Variants in ANK3 observed in about 807,000 individuals in gnomAD.
The protein encoded by ANK3 is ankyrin 3, also known as ankyrin-3.
Under a neutral mutation model 370.9 loss-of-function variants are expected in ANK3, and 57 were observed. The ratio of observed to expected loss-of-function variants is 0.15; its 90% CI spans 0.12 to 0.19. The LOEUF (loss-of-function observed/expected upper bound fraction) is 0.19. ANK3 is among the 10% of genes least tolerant of loss of function. The pLI is 1.00. For missense variants in ANK3, 4,439 were observed against 5,302.1 expected, an observed-to-expected ratio of 0.84 and a Z score of 5.06; for synonymous variants, 1,929 against 1,946.3, an observed-to-expected ratio of 0.99 and a Z score of 0.23.
chr10:60,058,680 GA>G (rs2079700102), intron 41 of ANK3, among the ~76,000 whole-genome samples: 2 of 152,094 alleles, frequency 1.3e-5, no homozygotes, highest in African/African-American at 4.8e-5. Context: ...TTTTAATAAT[GA>G]GCATATTTAT....
rs2095631347 is a variant in ANK3 at position 60,166,624 on chromosome 10, T to C, written c.2581A>G (p.Ser861Gly). The C allele has an allele frequency of 6.2e-7, 1 of 1,613,760 alleles. No individual in the cohort carries two copies. The highest frequency in any genetic ancestry group is 8.5e-7 in the Non-Finnish European group (1 of 1,179,872). Residue 861 changes from serine (S) to glycine (G), a missense_variant, in exon 23 of 44, where the codon AGT becomes GGT. Ser to Gly is a moderately conservative substitution (Grantham distance 56). Transcript: ENST00000280772. ...ACATCTGAGATATATTCGCCATCAC[T>C]GAGCATTTCAGGGGCATTGGCTTTA... is the stretch of plus-strand genomic sequence containing the variant. The part of the protein sequence containing the change: ...VRKANAPEML[S>G]DGEYISDVEE...
At chr10:60,049,941 A>G (rs144989806) in intron 42 of ANK3, among the ~76,000 whole-genome samples, 3 of 152,300 alleles carry the variant, frequency 2.0e-5, no homozygotes, top group African/African-American at 4.8e-5. Context: ...GTCAACTTCT[A>G]TCATGGGCAG....
In ANK3 at chr10:60,389,607, C is replaced by A. The variant is rs937787476; in HGVS notation, c.-69G>T. 19 of 1,590,052 alleles carry A rather than the reference C, an allele frequency of 1.2e-5. No homozygotes were observed. The highest frequency in any genetic ancestry group is 1.5e-5 in the Non-Finnish European group (18 of 1,171,768). On this transcript the variant is annotated 5_prime_UTR_variant, in exon 1 of 44. Transcript: ENST00000280772. ...TAAAAGGTGATATCCTCAGGCACCTCTAATCAGGCTTACAGCAGCATTCCA... is the reference window on the plus strand; with the variant it reads ...TAAAAGGTGATATCCTCAGGCACCTATAATCAGGCTTACAGCAGCATTCCA...
intron 8 of ANK3, among the ~76,000 whole-genome samples, chr10:60,221,320 T>C (rs770934654): frequency 1.3e-5 from 2 of 152,192 alleles, no homozygotes; most frequent in Non-Finnish European, 2.9e-5. Context: ...CCTCAGGTGA[T>C]CCTCCCACCT....
At chr10:60,628,186 A>T (rs1214006194) in intron 1 of ANK3, among the ~76,000 whole-genome samples, 1 of 152,190 alleles carries the variant, frequency 6.6e-6, no homozygotes, top group African/African-American at 2.4e-5. Context: ...TAATTCCCTT[A>T]TCTGTAAAAC....
chr10:60,168,359 T>C (rs946338125), intron 21 of ANK3, among the ~76,000 whole-genome samples: 2 of 152,212 alleles, frequency 1.3e-5, no homozygotes, highest in East Asian at 1.9e-4. Flanking sequence ...ATGGAAAATA[T>C]CACAATTAAT....
intron 2 of ANK3, among the ~76,000 whole-genome samples, chr10:60,452,383 G>T (rs1213820528): frequency 1.3e-5 from 2 of 152,212 alleles, no homozygotes; most frequent in Non-Finnish European, 2.9e-5. Context: ...TTTGGGATGA[G>T]GTTCTAGCAG....
At chr10:60,618,060 T>C (rs1198181520) in intron 1 of ANK3, among the ~76,000 whole-genome samples, 1 of 152,050 alleles carries the variant, frequency 6.6e-6, no homozygotes, top group South Asian at 2.1e-4. Context: ...TGATATTAAA[T>C]TTTTTTATCT....
At chr10:60,457,474 A>G (rs1249748403) in intron 2 of ANK3, among the ~76,000 whole-genome samples, 1 of 152,120 alleles carries the variant, frequency 6.6e-6, no homozygotes, top group Admixed American at 6.6e-5. Context: ...GATTGCTAAT[A>G]TGTTCTAAAA....
At chr10:60,544,538 C>A (rs920693177) in intron 2 of ANK3, among the ~76,000 whole-genome samples, 1 of 152,076 alleles carries the variant, frequency 6.6e-6, no homozygotes, top group African/African-American at 2.4e-5. Context: ...TTAACAAATT[C>A]TTCCTTTAAA....
chr10:60,733,510 T>A (rs1021149874), upstream of ANK3: 10 of 447,604 alleles, frequency 2.2e-5, no homozygotes, highest in Admixed American at 2.7e-4. Flanking sequence ...GACCGCCAGG[T>A]GCCCGCGCGG....
chr10:60,632,520 G>A (rs2133341537), intron 1 of ANK3, among the ~76,000 whole-genome samples: 1 of 152,276 alleles, frequency 6.6e-6, no homozygotes, highest in Non-Finnish European at 1.5e-5. Flanking sequence ...AAGCCAAGGA[G>A]GAAGACTCAT....
intron 17 of ANK3, among the ~76,000 whole-genome samples, chr10:60,183,687 T>C (rs1202111432): frequency 6.6e-6 from 1 of 151,944 alleles, no homozygotes; most frequent in Non-Finnish European, 1.5e-5. Context: ...GGAGAAACCC[T>C]GTCTCTACTA....
chr10:60,268,408 A>G (rs1288934079), intron 5 of ANK3, among the ~76,000 whole-genome samples: 1 of 152,216 alleles, frequency 6.6e-6, no homozygotes, highest in African/African-American at 2.4e-5. Flanking sequence ...ATCAGTACAT[A>G]GAGCCTTGCC....
intron 1 of ANK3, among the ~76,000 whole-genome samples, chr10:60,357,022 CTA>C (rs1301199716): frequency 6.6e-6 from 1 of 152,192 alleles, no homozygotes; most frequent in Non-Finnish European, 1.5e-5. Context: ...CAGACAATTA[CTA>C]TGTTTTCTGA....
intron 1 of ANK3, among the ~76,000 whole-genome samples, chr10:60,367,619 CA>C (rs1257463279): frequency 6.6e-6 from 1 of 152,120 alleles, no homozygotes; most frequent in Admixed American, 6.5e-5. Context: ...CAGCACACTG[CA>C]AAAATGCCTT....
chr10:60,274,109 AC>A (rs2098046480), intron 4 of ANK3, among the ~76,000 whole-genome samples: 1 of 152,064 alleles, frequency 6.6e-6, no homozygotes, highest in Non-Finnish European at 1.5e-5. Context: ...AGTAGCTAGG[AC>A]TATGGGCATG....
At chr10:60,209,607 C>T (rs1379073668) in intron 9 of ANK3, among the ~76,000 whole-genome samples, 2 of 152,102 alleles carry the variant, frequency 1.3e-5, no homozygotes, top group African/African-American at 4.8e-5. Flanking sequence ...GATATTTCTG[C>T]CTAAAAAATT....
intron 2 of ANK3, among the ~76,000 whole-genome samples, chr10:60,471,824 A>G (rs1297025285): frequency 6.6e-6 from 1 of 152,134 alleles, no homozygotes; most frequent in Non-Finnish European, 1.5e-5. Flanking sequence ...CATGCATCAA[A>G]GGAACAAGCT....
Sources: allele counts gnomAD v4.1 joint callset (sites outside exome capture counted in the v4.1 genomes callset), GRCh38; gene constraint gnomAD v4.1.1; transcripts MANE v1.5; gene names NCBI Gene and HGNC (gene_info 2026-07-23, HGNC 2026-07-21).